The following GAREM2 variants were observed in gnomAD, a reference collection of about 807,000 sequenced individuals.
GAREM2 encodes the protein GRB2-associated and regulator of MAPK protein 2.
GAREM2 carries 30 observed loss-of-function variants against 55.6 expected under a neutral mutation model. The observed-to-expected ratio is 0.54, with a 90% confidence interval of 0.40 to 0.73. GAREM2 has a LOEUF of 0.73. Ranked by LOEUF, GAREM2 falls within the 30% of genes least tolerant of loss-of-function variation. The probability of loss-of-function intolerance (pLI) is 0.00; values close to 1 mark genes in which losing one functional copy is unlikely to be tolerated. For synonymous variants in GAREM2, 550 were observed against 569.1 expected (o/e 0.97, Z 0.48); for missense variants, 1,075 against 1,257.7 (o/e 0.85, Z 2.20).
chr2:26,185,387 G>C (rs1669217270), intron 4 of GAREM2, 111 bp downstream of exon 4: 8 of 1,374,832 alleles, frequency 5.8e-6, no homozygotes, highest in Non-Finnish European at 7.5e-6. Context: ...CCTCGGCGGG[G>C]TGGGGAAGGG....
chr2:26,173,424 C>T, intron 1 of GAREM2, 92 bp downstream of exon 1: 2 of 617,352 alleles, frequency 3.2e-6, no homozygotes, highest in Non-Finnish European at 4.7e-6. Flanking sequence ...GAGGGTGCGG[C>T]ACCCGCACCC....
intron 5 of GAREM2, 124 bp downstream of exon 5, chr2:26,186,482 AG>A: frequency 1.1e-6 from 1 of 924,788 alleles, no homozygotes; most frequent in Non-Finnish European, 1.6e-6. Context: ...CCGAGGGTGC[AG>A]CTCCCTGTGC....
chr2:26,190,854 C>G (rs1371429924), downstream of GAREM2: 1 of 302,128 alleles, frequency 3.3e-6, no homozygotes, highest in Non-Finnish European at 6.3e-6. Context: ...GGCGTTTAAA[C>G]CAGAAGGGCA....
Position 26,184,988 on chromosome 2 carries a change from C to T in GAREM2, c.1140C>T (p.Leu380=). 1 of 1,158,018 alleles carries T rather than the reference C, an allele frequency of 8.6e-7. No individual in the cohort carries two copies. Among genetic ancestry groups the T allele is most frequent in the Non-Finnish European group, 1.1e-6 (1 of 941,678 alleles). The allele number at this position is 1,158,018 out of a possible 1,614,324, so 71.7% of individuals were successfully genotyped here. The change falls in exon 4 of 6, where the codon CTC becomes CTT. Residue 380 remains leucine (L), a synonymous_variant. Coordinates refer to ENST00000401533, the MANE Select transcript of GAREM2 (RefSeq NM_001168241.2). ...GCGCCAGCCCGCGCCGCGCGCGCCTCTGCCTGCCCGCGCCGCGCGCCCCCG... is the reference window on the plus strand; with the variant it reads ...GCGCCAGCCCGCGCCGCGCGCGCCTTTGCCTGCCCGCGCCGCGCGCCCCCG... The part of the protein sequence containing the change: ...EDCASPRRAR[L]CLPAPRAPGL...
chr2:26,177,429 A>C (rs996747834), intron 2 of GAREM2, among the ~76,000 whole-genome samples: 2 of 152,216 alleles, frequency 1.3e-5, no homozygotes, highest in African/African-American at 4.8e-5. Context: ...CCTGATGAGA[A>C]AGTCTTGTCA....
intron 3 of GAREM2, 84 bp downstream of exon 3, chr2:26,183,181 C>T (rs373975466): frequency 1.4e-6 from 2 of 1,470,144 alleles, no homozygotes; most frequent in East Asian, 5.0e-5. Flanking sequence ...GAAGGTTGCC[C>T]TCAGGATCCA....
chr2:26,198,090 G>A, the GAREM2 span, among the ~76,000 whole-genome samples: 7 of 152,222 alleles, frequency 4.6e-5, no homozygotes, highest in African/African-American at 1.7e-4. Flanking sequence ...CTGAAAAGAC[G>A]GCCTTGAATT....
Position 26,184,408 on chromosome 2 carries a change from T to G in GAREM2, c.560T>G (p.Val187Gly). 1 of 1,486,540 alleles carries G rather than the reference T, an allele frequency of 6.7e-7. No homozygotes were observed. The highest frequency in any genetic ancestry group is 9.0e-7 in the Non-Finnish European group (1 of 1,116,232). The allele number at this position is 1,486,540 out of a possible 1,614,324, so 92.1% of individuals were successfully genotyped here. ...KLGRAGALAGVGGGGPASAGA... is the reference protein window; with the variant it reads ...KLGRAGALAGGGGGGPASAGA... ...GGCCGGGCCGGGGCGCTGGCCGGGG[T>G]GGGCGGCGGCGGCCCAGCGAGCGCG... The change falls in exon 4 of 6, where the codon GTG becomes GGG. Residue 187 changes from valine (V) to glycine (G), a missense_variant. Physicochemically the swap from Val to Gly is moderately radical, Grantham distance 109. This residue lies in a region of GAREM2 where 230 missense variants were observed against 310.6 expected (regional missense o/e 0.74). Coordinates refer to ENST00000401533, the MANE Select transcript of GAREM2 (RefSeq NM_001168241.2).
chr2:26,181,152 C>T (rs981696898), intron 2 of GAREM2: 29 of 982,554 alleles, frequency 3.0e-5, no homozygotes, highest in South Asian at 9.4e-5. Context: ...TTTCTTTGCT[C>T]GAAACACTCC....
At chr2:26,194,137 C>T, downstream of GAREM2, among the ~76,000 whole-genome samples, 1 of 152,132 alleles carries the variant, frequency 6.6e-6, no homozygotes, top group African/African-American at 2.4e-5. Context: ...CCCTGTGATC[C>T]CCAAGTCTGG....
chr2:26,200,944 G>C, the GAREM2 span, among the ~76,000 whole-genome samples: 3 of 152,108 alleles, frequency 2.0e-5, no homozygotes, highest in Non-Finnish European at 4.4e-5. Flanking sequence ...ATATCGGCCA[G>C]TCTGGTCTCG....
intron 4 of GAREM2, 146 bp from the exon 5 acceptor site, chr2:26,186,043 G>A: frequency 1.4e-6 from 1 of 729,810 alleles, no homozygotes; most frequent in Non-Finnish European, 2.2e-6. Flanking sequence ...CTGACTGGAT[G>A]AGCAGTTGGG....
intron 2 of GAREM2, among the ~76,000 whole-genome samples, chr2:26,177,619 T>C (rs1345317876): frequency 6.6e-6 from 1 of 151,582 alleles, no homozygotes; most frequent in Non-Finnish European, 1.5e-5. Context: ...GCTGGGATTA[T>C]AGGTGTGAGT....
chr2:26,197,858 C>G, the GAREM2 span: 1 of 790,376 alleles, frequency 1.3e-6, no homozygotes, highest in East Asian at 2.4e-5. Flanking sequence ...ATGAGTGACA[C>G]CTGGGCCCAG....
downstream of GAREM2, chr2:26,191,293 A>G (rs372360889): frequency 2.5e-6 from 4 of 1,613,222 alleles, no homozygotes; most frequent in African/African-American, 5.3e-5. Flanking sequence ...ATGGTCAGCT[A>G]GCAGCTGGCA....
At chr2:26,190,762 C>G (rs891322339), downstream of GAREM2, 1 of 226,794 alleles carries the variant, frequency 4.4e-6, no homozygotes, top group African/African-American at 2.3e-5. Flanking sequence ...CAGTCCCTCC[C>G]TAAGGTGCTG....
intron 5 of GAREM2, among the ~76,000 whole-genome samples, 195 bp downstream of exon 5, chr2:26,186,553 G>A (rs1441237875): frequency 6.6e-6 from 1 of 152,226 alleles, no homozygotes; most frequent in East Asian, 1.9e-4. Flanking sequence ...CCAGTGGCCT[G>A]TTCTGCCCAC....
At position 26,184,470 on chromosome 2, in the gene GAREM2, C is replaced by T. The variant is rs1042097468; in HGVS notation, c.622C>T (p.Pro208Ser). The T allele has an allele frequency of 6.0e-6, 9 of 1,508,050 alleles. No homozygotes were observed. The highest frequency in any genetic ancestry group is 8.0e-6 in the Non-Finnish European group (9 of 1,128,316). The allele number at this position is 1,508,050 out of a possible 1,614,324, so 93.4% of individuals were successfully genotyped here. The stretch of plus-strand genomic sequence containing the variant: ...AGGCACTGGCGGCGGGGGCGCCAGG[C>T]CGGTCAAAGGCAAGATGCCCTGCCT... ...AGGTGGGGAR[P>S]VKGKMPCLIC... is the part of the protein sequence containing the mutation. Residue 208 changes from proline (P) to serine (S), a missense_variant, in exon 4 of 6, where the codon CCG becomes TCG. By Grantham distance (74) the Pro-to-Ser change is moderately conservative. Around this residue, in one of 6 missense-constraint regions of GAREM2, gnomAD observed 230 missense variants for 310.6 expected, o/e 0.74. Coordinates refer to ENST00000401533, the MANE Select transcript of GAREM2 (RefSeq NM_001168241.2).
In GAREM2 at chr2:26,182,452, C is replaced by T. The variant is rs547318161; in HGVS notation, c.254-515C>T. 22 of 1,550,364 alleles carry T rather than the reference C, an allele frequency of 1.4e-5. No individual in the cohort carries two copies. In the East Asian group the frequency reaches 2.2e-4, roughly 15 times the overall value. On this transcript the variant is annotated intron_variant, in intron 2 of 5. Transcript: ENST00000401533. The stretch of plus-strand genomic sequence containing the variant: ...TGGTTGGCCCAGTGCCACCTCCATG[C>T]GGATCAGCAGCCCAGGGCGATGCAC...
Sources: allele counts gnomAD v4.1 joint callset (sites outside exome capture counted in the v4.1 genomes callset), GRCh38; gene constraint gnomAD v4.1.1; regional missense constraint gnomAD v4.1.1; transcripts MANE v1.5; gene names NCBI Gene and HGNC (gene_info 2026-07-23, HGNC 2026-07-21).